The following PTPRN2 variants were observed in gnomAD, a reference collection of about 807,000 sequenced individuals.
The protein encoded by PTPRN2 is protein tyrosine phosphatase receptor type N2.
A neutral mutation model predicts 118.8 loss-of-function variants in PTPRN2; 74 were observed. The ratio of observed to expected loss-of-function variants is 0.62; its 90% CI spans 0.52 to 0.76. PTPRN2 has a LOEUF of 0.76. Ranked by LOEUF, PTPRN2 falls within the 30% of genes least tolerant of loss-of-function variation. The probability of loss-of-function intolerance (pLI) is 0.00; values close to 1 mark genes in which losing one functional copy is unlikely to be tolerated. For synonymous variants in PTPRN2, 641 were observed against 608.0 expected (o/e 1.05, Z -0.80); for missense variants, 1,481 against 1,394.4 (o/e 1.06, Z -0.99).
chr7:158,146,929 T>A (rs569670125), intron 6 of PTPRN2, among the ~76,000 whole-genome samples: 60 of 151,204 alleles, frequency 4.0e-4, no homozygotes, highest in African/African-American at 1.5e-3. Context: ...ACACCCCATC[T>A]CACGCCACGT....
At chr7:158,360,035 T>C (rs13230559) in intron 2 of PTPRN2, among the ~76,000 whole-genome samples, 79,269 of 85,144 alleles carry the variant, frequency 0.93, 36,919 homozygotes, top group Non-Finnish European at 0.94. Flanking sequence ...AACCCACAGA[T>C]CCCAAGTCCA....
chr7:157,542,506 A>G (rs1025259439), intron 22 of PTPRN2, among the ~76,000 whole-genome samples: 4 of 150,854 alleles, frequency 2.7e-5, no homozygotes, highest in African/African-American at 9.9e-5. Flanking sequence ...CTCCACCCCC[A>G]GGGCCAGTGC....
At chr7:157,758,605 C>T (rs1027463322) in intron 12 of PTPRN2, among the ~76,000 whole-genome samples, 4 of 152,208 alleles carry the variant, frequency 2.6e-5, no homozygotes, top group African/African-American at 4.8e-5. Context: ...TCTCTTGGCC[C>T]GGGTGGGCGG....
At chr7:158,033,560 G>C (rs896418956) in intron 11 of PTPRN2, among the ~76,000 whole-genome samples, 14 of 152,182 alleles carry the variant, frequency 9.2e-5, no homozygotes, top group Non-Finnish European at 1.9e-4. Context: ...TGAGCCGTGG[G>C]ATATAGTCTG....
intron 11 of PTPRN2, among the ~76,000 whole-genome samples, chr7:157,918,294 G>A (rs1222011016): frequency 6.6e-6 from 1 of 152,220 alleles, no homozygotes; most frequent in African/African-American, 2.4e-5. Context: ...TGAGAAATCT[G>A]AAGATCCTTA....
intron 14 of PTPRN2, among the ~76,000 whole-genome samples, chr7:157,641,546 T>A (rs1048056319): frequency 6.6e-6 from 1 of 152,200 alleles, no homozygotes; most frequent in Non-Finnish European, 1.5e-5. Flanking sequence ...ACCAGCCATA[T>A]TTTGTGGAAG....
chr7:158,341,503 C>A (rs1420350429), intron 2 of PTPRN2, among the ~76,000 whole-genome samples: 2 of 125,410 alleles, frequency 1.6e-5, no homozygotes, highest in Admixed American at 1.6e-4. Flanking sequence ...GTGACACGTG[C>A]AGACGTCACT....
intron 14 of PTPRN2, among the ~76,000 whole-genome samples, chr7:157,634,543 C>T (rs528418531): frequency 4.6e-5 from 7 of 152,198 alleles, no homozygotes; most frequent in Non-Finnish European, 1.0e-4. Flanking sequence ...TCCTGAAACA[C>T]AGACCAAGGC....
chr7:158,322,896 C>T (rs1020069217), intron 2 of PTPRN2, among the ~76,000 whole-genome samples: 1 of 152,176 alleles, frequency 6.6e-6, no homozygotes, highest in Non-Finnish European at 1.5e-5. Context: ...AACAGAGCAG[C>T]CCCAACCAGG....
At chr7:157,733,247 T>C (rs1381960157) in intron 12 of PTPRN2, among the ~76,000 whole-genome samples, 3 of 18,760 alleles carry the variant, frequency 1.6e-4, no homozygotes, top group Admixed American at 4.8e-4. Flanking sequence ...CTCTTTTCCG[T>C]CCCACGCGCC....
chr7:157,647,073 C>G (rs1805153623), intron 14 of PTPRN2, among the ~76,000 whole-genome samples: 1 of 146,286 alleles, frequency 6.8e-6, no homozygotes, highest in Non-Finnish European at 1.5e-5. Flanking sequence ...GTGGGTCGGA[C>G]CCATTCACTG....
At chr7:158,087,625 A>ACGAAGGAGGGAG (rs1394221257) in intron 10 of PTPRN2, among the ~76,000 whole-genome samples, 62 of 151,122 alleles carry the variant, frequency 4.1e-4, no homozygotes, top group East Asian at 1.2e-3. Context: ...TCCTCCCCTG[A>ACGAAGGAGGGAG]TGAAGGAGGG....
chr7:158,148,572 ATGT>A, intron 6 of PTPRN2, among the ~76,000 whole-genome samples: 1 of 9,516 alleles, frequency 1.1e-4, no homozygotes. Flanking sequence ...CTCACGCCAC[ATGT>A]CTTTCCCCCT....
chr7:158,311,590 GA>G (rs1436383522), intron 3 of PTPRN2, among the ~76,000 whole-genome samples: 1 of 152,240 alleles, frequency 6.6e-6, no homozygotes, highest in Admixed American at 6.5e-5. Flanking sequence ...CCTGGAGGAA[GA>G]AGGTTGTGAA....
intron 11 of PTPRN2, among the ~76,000 whole-genome samples, chr7:158,069,942 T>C (rs930861364): frequency 6.6e-6 from 1 of 152,246 alleles, no homozygotes; most frequent in African/African-American, 2.4e-5. Flanking sequence ...ACCCTGAGGT[T>C]TGAAAACAGT....
rs773714696 is a variant in PTPRN2 at position 157,596,466 on chromosome 7, C to A, written c.2419-1151G>T. ...TTGGCTTAGAAGACCATAATTATTA[C>A]ATTTATTTCGAAGATTAAGCACAGA... On this transcript the variant is annotated intron_variant, in intron 16 of 22. Coordinates refer to ENST00000389418, the MANE Select transcript of PTPRN2 (RefSeq NM_002847.5). This position sits in a 1 kb window ranked among gnomAD's most constrained non-coding sequence, Gnocchi z 4.2. 1.3e-5 allele frequency among the ~76,000 whole-genome samples: 2 copies of A among 152,248 alleles called. No individual in the cohort carries two copies. The highest frequency in any genetic ancestry group is 2.9e-5 in the Non-Finnish European group (2 of 68,050).
chr7:158,491,720 C>T (rs1398959037), intron 1 of PTPRN2, among the ~76,000 whole-genome samples: 1 of 152,152 alleles, frequency 6.6e-6, no homozygotes, highest in Non-Finnish European at 1.5e-5. Context: ...GAACTCCTGA[C>T]CTCAAGTGAT....
intron 3 of PTPRN2, among the ~76,000 whole-genome samples, chr7:158,278,782 C>G (rs546851852): frequency 1.3e-5 from 2 of 152,306 alleles, no homozygotes; most frequent in African/African-American, 4.8e-5. Context: ...AAGCTGCAGA[C>G]CTTTGCAGTG....
chr7:157,841,293 CGGT>C (rs757758210), intron 12 of PTPRN2, among the ~76,000 whole-genome samples: 48 of 152,344 alleles, frequency 3.2e-4, no homozygotes, highest in South Asian at 1.4e-3. Flanking sequence ...GGCTGAACAT[CGGT>C]GAAGAGACAA....
Sources: gnomAD v4.1 joint callset for allele counts (sites outside exome capture counted in the v4.1 genomes callset) on GRCh38, gnomAD v4.1.1 for gene constraint, Gnocchi (gnomAD v3.1) non-coding constraint, MANE v1.5 for transcripts, NCBI Gene and HGNC (gene_info 2026-07-23, HGNC 2026-07-21) for gene names.